CNTN5: variants seen among roughly 807,000 people sequenced by gnomAD.
CNTN5 encodes the protein contactin 5.
A neutral mutation model predicts 129.1 loss-of-function variants in CNTN5; 77 were observed. The observed-to-expected ratio is 0.60, with a 90% CI of 0.50 to 0.72. CNTN5 has a LOEUF of 0.72. CNTN5 is among the 30% of genes least tolerant of loss of function. CNTN5 has a pLI of 0.00. For synonymous variants in CNTN5, 509 were observed against 465.6 expected (o/e 1.09, Z -1.20); for missense variants, 1,478 against 1,328.8 (o/e 1.11, Z -1.75).
intron 17 of CNTN5, among the ~76,000 whole-genome samples, chr11:100,268,507 CAAAGA>C (rs1950348641): frequency 6.6e-6 from 1 of 152,004 alleles, no homozygotes; most frequent in African/African-American, 2.4e-5. Context: ...TAAAGCCTAT[CAAAGA>C]AAAGGGCCTA....
At chr11:99,544,639 ATTT>A (rs797020566) in intron 2 of CNTN5, among the ~76,000 whole-genome samples, 2 of 150,530 alleles carry the variant, frequency 1.3e-5, no homozygotes, top group African/African-American at 4.9e-5. Context: ...ACTCTACTGA[ATTT>A]TTTTTTTATC....
At chr11:99,436,965 A>G (rs942465217) in intron 2 of CNTN5, among the ~76,000 whole-genome samples, 1 of 152,080 alleles carries the variant, frequency 6.6e-6, no homozygotes, top group Non-Finnish European at 1.5e-5. Context: ...GATAAGCTGA[A>G]CACTTCCAAA....
At chr11:100,244,210 C>T (rs1297145502) in intron 16 of CNTN5, among the ~76,000 whole-genome samples, 1 of 152,166 alleles carries the variant, frequency 6.6e-6, no homozygotes, top group Non-Finnish European at 1.5e-5. Flanking sequence ...CTTCTCCTCT[C>T]TTCAAAATGC....
At chr11:99,938,480 A>C (rs1258431780) in intron 7 of CNTN5, among the ~76,000 whole-genome samples, 1 of 152,120 alleles carries the variant, frequency 6.6e-6, no homozygotes, top group Non-Finnish European at 1.5e-5. Context: ...AGATCTATCT[A>C]CCCAGGGAAT....
chr11:99,741,725 A>T (rs1455518543), intron 3 of CNTN5, among the ~76,000 whole-genome samples: 1 of 152,074 alleles, frequency 6.6e-6, no homozygotes, highest in Non-Finnish European at 1.5e-5. Context: ...CTTTCTACTA[A>T]TTGTTTTACT....
intron 1 of CNTN5, among the ~76,000 whole-genome samples, chr11:99,264,881 A>G (rs1333084328): frequency 1.3e-5 from 2 of 152,082 alleles, no homozygotes; most frequent in Admixed American, 6.6e-5. Context: ...TCAACATGAC[A>G]GGATAGGTAA....
chr11:100,055,136 T>A (rs1400990034), intron 9 of CNTN5, among the ~76,000 whole-genome samples: 3 of 151,552 alleles, frequency 2.0e-5, no homozygotes, highest in Admixed American at 1.3e-4. Flanking sequence ...ATACCTCATT[T>A]GTTTGTAAAA....
At chr11:99,707,800 A>G (rs1296534844) in intron 3 of CNTN5, among the ~76,000 whole-genome samples, 6 of 151,668 alleles carry the variant, frequency 4.0e-5, no homozygotes, top group South Asian at 2.1e-4. Flanking sequence ...TCTCTCAGCA[A>G]TCATACCTGA....
intron 7 of CNTN5, among the ~76,000 whole-genome samples, chr11:99,928,336 C>T (rs1950110501): frequency 6.6e-6 from 1 of 152,212 alleles, no homozygotes; most frequent in African/African-American, 2.4e-5. Flanking sequence ...CTAGGCAATG[C>T]CCAAGTGGGG....
chr11:99,099,631 T>A (rs1866629882), intron 1 of CNTN5, among the ~76,000 whole-genome samples: 2 of 152,042 alleles, frequency 1.3e-5, no homozygotes, highest in South Asian at 4.1e-4. Flanking sequence ...TCTGGTATTG[T>A]GTTCATTGCC....
At chr11:100,134,069 A>G (rs1197419176) in intron 13 of CNTN5, among the ~76,000 whole-genome samples, 1 of 152,196 alleles carries the variant, frequency 6.6e-6, no homozygotes, top group Non-Finnish European at 1.5e-5. Context: ...TGCTAAAGAT[A>G]CAAATAAATG....
intron 2 of CNTN5, among the ~76,000 whole-genome samples, chr11:99,362,101 G>A (rs1296210579): frequency 6.6e-6 from 1 of 151,914 alleles, no homozygotes. Context: ...CAACTCACAA[G>A]TGTTCTAATT....
chr11:99,356,639 C>G (rs73541098), intron 2 of CNTN5, among the ~76,000 whole-genome samples: 4,918 of 152,164 alleles, frequency 0.032, 259 homozygotes, highest in African/African-American at 0.11. Context: ...AGTATATTTA[C>G]CTTTAATAAC....
intron 6 of CNTN5, among the ~76,000 whole-genome samples, chr11:99,850,393 G>A (rs1193050731): frequency 2.0e-5 from 3 of 152,108 alleles, no homozygotes; most frequent in Non-Finnish European, 4.4e-5. Flanking sequence ...ACAAGGAACT[G>A]AGTATTGACA....
At chr11:99,076,270 G>T (rs1231751880) in intron 1 of CNTN5, among the ~76,000 whole-genome samples, 1 of 152,086 alleles carries the variant, frequency 6.6e-6, no homozygotes, top group Non-Finnish European at 1.5e-5. Flanking sequence ...GGGAGCTAGA[G>T]GCTGCAGTGA....
chr11:99,450,379 T>G (rs1944253348), intron 2 of CNTN5, among the ~76,000 whole-genome samples: 1 of 152,088 alleles, frequency 6.6e-6, no homozygotes, highest in African/African-American at 2.4e-5. Context: ...GTCCTCATTA[T>G]GCCCAGTAAT....
chr11:99,839,047 A>G (rs1174296240), intron 4 of CNTN5, among the ~76,000 whole-genome samples: 1 of 152,142 alleles, frequency 6.6e-6, no homozygotes, highest in Non-Finnish European at 1.5e-5. Context: ...ATTCTTCACA[A>G]GTTAATTGGT....
chr11:99,622,978 G>T (rs1951003492), intron 3 of CNTN5, among the ~76,000 whole-genome samples: 1 of 152,114 alleles, frequency 6.6e-6, no homozygotes, highest in African/African-American at 2.4e-5. Context: ...CAATTAGAAT[G>T]ACTCTACATT....
intron 1 of CNTN5, among the ~76,000 whole-genome samples, chr11:99,104,508 T>G (rs1866901891): frequency 6.6e-6 from 1 of 152,114 alleles, no homozygotes; most frequent in African/African-American, 2.4e-5. Context: ...AGTTAATAAT[T>G]TATTGTATAT....
Sources: allele counts gnomAD v4.1 joint callset (sites outside exome capture counted in the v4.1 genomes callset), GRCh38; gene constraint gnomAD v4.1.1; transcripts MANE v1.5; gene names NCBI Gene and HGNC (gene_info 2026-07-23, HGNC 2026-07-21).